Variants in FAM133B observed in about 807,000 individuals in gnomAD.
The protein encoded by FAM133B is protein FAM133B.
A neutral mutation model predicts 46.4 loss-of-function variants in FAM133B; 25 were observed. The ratio of observed to expected loss-of-function variants is 0.54; its 90% CI spans 0.39 to 0.75. FAM133B has a LOEUF of 0.75. Ranked by LOEUF, FAM133B falls within the 30% of genes least tolerant of loss-of-function variation. FAM133B has a pLI of 0.00. For synonymous variants in FAM133B, 75 were observed against 86.0 expected, an observed-to-expected ratio of 0.87 and a Z score of 0.71; for missense variants, 205 against 277.6, an observed-to-expected ratio of 0.74 and a Z score of 1.86.
chr7:92,567,714 T>C (rs899149366), intron 9 of FAM133B, among the ~76,000 whole-genome samples: 3 of 152,216 alleles, frequency 2.0e-5, no homozygotes, highest in African/African-American at 4.8e-5. Flanking sequence ...TCCACGACTT[T>C]TGAATAGCCT....
intron 10 of FAM133B, among the ~76,000 whole-genome samples, chr7:92,563,943 C>A (rs1794235313): frequency 6.6e-6 from 1 of 152,176 alleles, no homozygotes. Flanking sequence ...CACTTGTGCC[C>A]ACTTATCTCC....
At chr7:92,569,706 T>C (rs1229262195) in intron 9 of FAM133B, 117 bp downstream of exon 9, 3 of 496,756 alleles carry the variant, frequency 6.0e-6, no homozygotes, top group Non-Finnish European at 1.0e-5. Context: ...ATTTTGTTTT[T>C]TCATACTAGA....
chr7:92,582,258 A>AATAACATAACATAACATAACATAAC (rs199980853), intron 1 of FAM133B, among the ~76,000 whole-genome samples: 6 of 147,846 alleles, frequency 4.1e-5, no homozygotes, highest in African/African-American at 1.5e-4. Flanking sequence ...AAATAAAATA[A>AATAACATAACATAACATAACATAAC]ATAACATAAC....
chr7:92,565,081 C>A (rs1794298625), intron 10 of FAM133B, among the ~76,000 whole-genome samples: 1 of 151,838 alleles, frequency 6.6e-6, no homozygotes, highest in South Asian at 2.1e-4. Flanking sequence ...CAGAAATCAC[C>A]ATACTTTGGT....
chr7:92,590,296 C>A lies in FAM133B; in HGVS notation c.-5G>T, dbSNP rs375436056. On this transcript the variant is annotated 5_prime_UTR_variant, in exon 1 of 11. Coordinates refer to ENST00000445716, the MANE Select transcript of FAM133B (RefSeq NM_152789.4). ...CCGATTGTCCCGCTTCCCCATGGTG[C>A]TGGATCGAGCGCACAGTAGCACGCC... The A allele has an allele frequency of 6.1e-5, 99 of 1,613,736 alleles. No homozygotes were observed. The highest frequency in any genetic ancestry group is 8.3e-5 in the Non-Finnish European group (98 of 1,179,788).
chr7:92,571,171 C>G (rs926496589), intron 8 of FAM133B, among the ~76,000 whole-genome samples: 1 of 152,168 alleles, frequency 6.6e-6, no homozygotes, highest in African/African-American at 2.4e-5. Context: ...ACCAACGTAG[C>G]CTTCACACAA....
At chr7:92,585,364 T>C in intron 1 of FAM133B, 1 of 984,908 alleles carries the variant, frequency 1.0e-6, no homozygotes, top group Non-Finnish European at 1.2e-6. Flanking sequence ...ACATTCTAAT[T>C]TCCTTGGTAT....
At chr7:92,578,293 T>C in intron 4 of FAM133B, 26 bp downstream of exon 4, 1 of 1,609,868 alleles carries the variant, frequency 6.2e-7, no homozygotes, top group East Asian at 2.2e-5. Flanking sequence ...AGATTAAGAA[T>C]AGCAATAAAC....
intron 10 of FAM133B, among the ~76,000 whole-genome samples, chr7:92,562,697 T>C (rs1794197131): frequency 2.0e-5 from 3 of 152,180 alleles, no homozygotes; most frequent in South Asian, 2.1e-4. Context: ...GGTAAAGTAA[T>C]TGCAGTTACT....
At chr7:92,565,360 T>C (rs1215801020) in intron 10 of FAM133B, 1 of 150,926 alleles carries the variant, frequency 6.6e-6, no homozygotes, top group Non-Finnish European at 1.5e-5. Flanking sequence ...TTCACCATGT[T>C]GGACAGGCTG....
intron 1 of FAM133B, among the ~76,000 whole-genome samples, chr7:92,584,958 G>A (rs1430497615): frequency 6.6e-6 from 1 of 151,758 alleles, no homozygotes; most frequent in East Asian, 1.9e-4. Flanking sequence ...TTGAGCTCAG[G>A]AGAGACCAAT....
intron 1 of FAM133B, among the ~76,000 whole-genome samples, chr7:92,584,067 A>G (rs926797936): frequency 6.7e-6 from 1 of 150,058 alleles, no homozygotes; most frequent in African/African-American, 2.5e-5. Flanking sequence ...AAAAAAAAAA[A>G]AAAAAAGAAA....
chr7:92,576,294 T>C (rs1216562778), intron 7 of FAM133B, among the ~76,000 whole-genome samples: 1 of 152,214 alleles, frequency 6.6e-6, no homozygotes, highest in Non-Finnish European at 1.5e-5. Flanking sequence ...AGTTAATAAA[T>C]TAAGTGCTTA....
intron 9 of FAM133B, among the ~76,000 whole-genome samples, chr7:92,567,555 T>C (rs1209829133): frequency 1.3e-5 from 2 of 152,260 alleles, no homozygotes; most frequent in East Asian, 3.9e-4. Context: ...TCACTAGCTC[T>C]CTTTACCGAG....
chr7:92,579,137 A>C, intron 3 of FAM133B, 180 bp downstream of exon 3: 1 of 575,174 alleles, frequency 1.7e-6, no homozygotes, highest in South Asian at 2.1e-5. Flanking sequence ...CCAAATACTT[A>C]AGGTATTTTC....
chr7:92,579,173 C>G, intron 3 of FAM133B, 144 bp downstream of exon 3: 1 of 610,780 alleles, frequency 1.6e-6, no homozygotes, highest in Non-Finnish European at 2.9e-6. Context: ...ACAAGGGCGG[C>G]GGGGGGGGGC....
Position 92,577,676 on chromosome 7 carries a change from A to AG in FAM133B, c.350_351insC (p.Ser118PhefsTer3). On this transcript the variant is annotated frameshift_variant, in exon 6 of 11. Coordinates refer to ENST00000445716, the MANE Select transcript of FAM133B (RefSeq NM_152789.4). LOFTEE classifies it high-confidence loss of function. ...TTACCTCATCTTCAGAATCAGAAGA[A>AG]CTGCTGGAAGAATCAGAGCTTGATG... The AG allele has an allele frequency of 6.3e-7, 1 of 1,584,970 alleles. No homozygotes were observed. Among genetic ancestry groups the AG allele is most frequent in the Non-Finnish European group, 8.6e-7 (1 of 1,164,420 alleles).
rs1259133438 is a variant in FAM133B, at chr7:92,575,755, G to T, written c.516+16C>A. ...ATATGACAGACTATCTTAAGGCAATGTAAAAGTATAGTTACCTTTTCTTTC... is the reference window on the plus strand; with the variant it reads ...ATATGACAGACTATCTTAAGGCAATTTAAAAGTATAGTTACCTTTTCTTTC... On this transcript the variant is annotated intron_variant, in intron 8 of 10. Transcript: ENST00000445716. The T allele has an allele frequency of 1.5e-6, 2 of 1,325,500 alleles. No individual in the cohort carries two copies. Among genetic ancestry groups the T allele is most frequent in the African/African-American group, 1.4e-5 (1 of 69,248 alleles). 82.1% of individuals were successfully genotyped at this position (1,325,500 alleles called of 1,614,324 possible). A position where few individuals can be genotyped will look rare whatever the true frequency, so the allele number is the denominator to read the frequency against.
At chr7:92,570,075 C>A (rs1412137643) in intron 8 of FAM133B, among the ~76,000 whole-genome samples, 160 bp from the exon 9 acceptor site, 1 of 151,878 alleles carries the variant, frequency 6.6e-6, no homozygotes, top group Non-Finnish European at 1.5e-5. Context: ...GTCTTTAATT[C>A]CACTAAAGCA....
Sources: allele counts gnomAD v4.1 joint callset (sites outside exome capture counted in the v4.1 genomes callset), GRCh38; gene constraint gnomAD v4.1.1; transcripts MANE v1.5; gene names NCBI Gene and HGNC (gene_info 2026-07-23, HGNC 2026-07-21).